PNPLA6: variants seen among roughly 807,000 people sequenced by gnomAD.
The protein encoded by PNPLA6 is patatin like domain 6, lysophospholipase.
Under a neutral mutation model 153.7 loss-of-function variants are expected in PNPLA6, and 105 were observed. That is an observed-to-expected ratio of 0.68 (90% CI 0.58 to 0.80). PNPLA6 has a LOEUF of 0.80. Among genes scored for constraint, PNPLA6 ranks in the 30% least tolerant of loss-of-function variants. The probability of loss-of-function intolerance (pLI) is 0.00; values close to 1 mark genes in which losing one functional copy is unlikely to be tolerated. For missense variants in PNPLA6, 1,423 were observed against 1,919.3 expected (o/e 0.74, Z 4.83); for synonymous variants, 825 against 822.2 (o/e 1.00, Z -0.06).
At chr19:7,553,804 G>A in intron 18 of PNPLA6, 71 bp from the exon 19 acceptor site, 1 of 1,575,600 alleles carries the variant, frequency 6.3e-7, no homozygotes, top group Non-Finnish European at 8.7e-7. Flanking sequence ...AGAGGAAGAA[G>A]AGGAGGAGGA....
At chr19:7,536,096 A>T (rs1056972569) in intron 1 of PNPLA6, 76 bp downstream of exon 1, 16 of 1,569,698 alleles carry the variant, frequency 1.0e-5, no homozygotes, top group Admixed American at 5.0e-5. Context: ...GGCGGCAGAG[A>T]TGGGGATTTG....
Position 7,555,142 on chromosome 19 carries a change from C to T in PNPLA6, c.2817+67C>T. The T allele has an allele frequency of 1.3e-6, 2 of 1,552,514 alleles. No individual in the cohort carries two copies. Among genetic ancestry groups the T allele is most frequent in the South Asian group, 1.2e-5 (1 of 86,690 alleles). ...GTGGGCGAGGCTTGGGAGACTGGGG[C>T]GGGGCCTGGGAGGGCTGAGGACAGG... On this transcript the variant is annotated intron_variant, in intron 22 of 31. Transcript: ENST00000600737. This position sits in a 1 kb window ranked among gnomAD's most constrained non-coding sequence, Gnocchi z 6.3.
chr19:7,555,342 C>T lies in PNPLA6; in HGVS notation c.2911C>T (p.Leu971Phe), dbSNP rs1355169288. Residue 971 changes from leucine (L) to phenylalanine (F), a missense_variant, in exon 23 of 32, where the codon CTT (leucine) becomes TTT (phenylalanine). By Grantham distance (22) the Leu-to-Phe change is conservative (BLOSUM62 0). This residue lies in a region of PNPLA6 where 643 missense variants were observed against 835.2 expected (regional missense o/e 0.77). Transcript: ENST00000600737. This position sits in a 1 kb window ranked among gnomAD's most constrained non-coding sequence, Gnocchi z 6.3. ...ARVLTGNTIA[L>F]VLGGGGARGC... ...GGTGCTCACGGGGAACACCATTGCCCTTGTGCTAGGCGGGGGCGGGGCCAG... is the reference window on the plus strand; with the variant it reads ...GGTGCTCACGGGGAACACCATTGCCTTTGTGCTAGGCGGGGGCGGGGCCAG... 2.6e-6 allele frequency: 4 copies of T among 1,551,886 alleles called. No homozygotes were observed. The highest frequency in any genetic ancestry group is 1.9e-5 in the Admixed American group (1 of 52,382).
Position 7,542,672 on chromosome 19 carries a change from T to C in PNPLA6, c.1362+2T>C. The C allele has an allele frequency of 6.2e-7, 1 of 1,612,480 alleles. No homozygotes were observed. Among genetic ancestry groups the C allele is most frequent in the Middle Eastern group, 1.7e-4 (1 of 6,060 alleles). On this transcript the variant is annotated splice_donor_variant, in intron 11 of 31. Transcript: ENST00000600737. LOFTEE classifies it high-confidence loss of function. Reference sequence around the variant, plus strand: ...GGGTCCCTGGCAGCCCCCGCTCGGGTAAGGCTTGGGACCCTGCCCGGTGGT... The same window carrying C: ...GGGTCCCTGGCAGCCCCCGCTCGGGCAAGGCTTGGGACCCTGCCCGGTGGT...
chr19:7,557,171 C>G lies in PNPLA6; in HGVS notation c.3284C>G (p.Ser1095Cys). ...ASAMRVHKDG[S>C]LWRYVRASMT... Reference sequence around the variant, plus strand: ...GTCTGTGTGTCCCACCGCGCAGGCTCCCTGTGGCGGTACGTGCGCGCCAGC... The same window carrying G: ...GTCTGTGTGTCCCACCGCGCAGGCTGCCTGTGGCGGTACGTGCGCGCCAGC... The change falls in exon 27 of 32, where the codon TCC (serine) becomes TGC (cysteine). Residue 1095 changes from serine (S) to cysteine (C), a missense_variant. Ser to Cys is a moderately radical substitution (Grantham distance 112, BLOSUM62 -1). Coordinates refer to ENST00000600737, the MANE Select transcript of PNPLA6 (RefSeq NM_001166114.2). The G allele has an allele frequency of 6.2e-7, 1 of 1,608,242 alleles. No homozygotes were observed. The highest frequency in any genetic ancestry group is 2.2e-5 in the East Asian group (1 of 44,748).
chr19:7,554,054 G>A, intron 19 of PNPLA6, 39 bp downstream of exon 19: 1 of 1,604,754 alleles, frequency 6.2e-7, no homozygotes, highest in Non-Finnish European at 8.5e-7. Context: ...GCTGGCGGTG[G>A]GTGGGACATT....
chr19:7,558,767 T>C, intron 27 of PNPLA6, 83 bp from the exon 28 acceptor site: 2 of 932,910 alleles, frequency 2.1e-6, no homozygotes, highest in Non-Finnish European at 3.3e-6. Flanking sequence ...ATCATTTGCA[T>C]GATGGCATCT....
Position 7,561,511 on chromosome 19 carries a change from G to A in PNPLA6, c.4047G>A (p.Arg1349=). ...SEMEEEKSIL[R]QRRCLPQEPP... is the part of the protein sequence containing the mutation. ...AGGAGGAGGAGAAGTCGATTCTCCG[G>A]CAACGACGCTGTCTGCCCCAGGAGC... Residue 1349 remains arginine (R), a synonymous_variant, in exon 32 of 32, where the codon CGG becomes CGA. Transcript: ENST00000600737. The A allele has an allele frequency of 6.2e-7, 1 of 1,608,872 alleles. No homozygotes were observed. Among genetic ancestry groups the A allele is most frequent in the Non-Finnish European group, 8.5e-7 (1 of 1,178,342 alleles).
intron 13 of PNPLA6, among the ~76,000 whole-genome samples, chr19:7,547,152 A>G (rs601025): frequency 0.83 from 126,448 of 151,940 alleles, 53,035 homozygotes; most frequent in African/African-American, 0.92. Context: ...TGATCCATCC[A>G]CCTCAGCTTC....
chr19:7,555,229 G>A lies in PNPLA6; in HGVS notation c.2818-20G>A, dbSNP rs770248268. Reference sequence around the variant, plus strand: ...CCCCGCCCTCATGCTCCTGGGTCGCGACTATCTCCCCCATCCCAGCATGAG... The same window carrying A: ...CCCCGCCCTCATGCTCCTGGGTCGCAACTATCTCCCCCATCCCAGCATGAG... On this transcript the variant is annotated intron_variant, in intron 22 of 31. Transcript: ENST00000600737. This position sits in a 1 kb window ranked among gnomAD's most constrained non-coding sequence, Gnocchi z 6.3. 9.5e-6 allele frequency: 15 copies of A among 1,580,416 alleles called. No homozygotes were observed. The Admixed American group carries it at 1.1e-4, about 11-fold the overall frequency.
In PNPLA6 at chr19:7,541,550, G is replaced by T; in HGVS notation, c.1034G>T (p.Ser345Ile). 2 of 1,603,870 alleles carry T rather than the reference G, an allele frequency of 1.2e-6. No homozygotes were observed. The change falls in exon 9 of 32, where the codon AGC (serine) becomes ATC (isoleucine). Residue 345 changes from serine (S) to isoleucine (I), a missense_variant. Transcript: ENST00000600737. The surrounding 1 kb of genome is among the most constrained non-coding windows in gnomAD (Gnocchi z 5.2). ...ATCCAGCCCCTGCGTCTGTTCCCCAGCCCCGGCCTCCCAACTCGCACCAGC... is the reference window on the plus strand; with the variant it reads ...ATCCAGCCCCTGCGTCTGTTCCCCATCCCCGGCCTCCCAACTCGCACCAGC... ...HEIQPLRLFPSPGLPTRTSPV... is the reference protein window; with the variant it reads ...HEIQPLRLFPIPGLPTRTSPV...
At position 7,541,363 on chromosome 19, in the gene PNPLA6, G is replaced by A; in HGVS notation, c.934G>A (p.Val312Met). ...SLVRVVQIIMVRLQRVTFLAL... is the reference protein window; with the variant it reads ...SLVRVVQIIMMRLQRVTFLAL... ...CCCTCGAGCCCTGCAGATCATCATGGTGCGGCTGCAGCGAGTCACCTTCCT... is the reference window on the plus strand; with the variant it reads ...CCCTCGAGCCCTGCAGATCATCATGATGCGGCTGCAGCGAGTCACCTTCCT... The change falls in exon 8 of 32, where the codon GTG becomes ATG. Residue 312 changes from valine to methionine, a missense_variant. Val to Met is a conservative substitution (Grantham distance 21). This residue lies in a region of PNPLA6 where 118 missense variants were observed against 158.8 expected (regional missense o/e 0.74). Transcript: ENST00000600737. The surrounding 1 kb of genome is among the most constrained non-coding windows in gnomAD (Gnocchi z 5.2). 6.2e-7 allele frequency: 1 copy of A among 1,613,824 alleles called. No individual in the cohort carries two copies. Among genetic ancestry groups the A allele is most frequent in the South Asian group, 1.1e-5 (1 of 91,072 alleles).
Position 7,559,040 on chromosome 19 carries a change from G to A in PNPLA6, c.3588G>A (p.Val1196=), listed in dbSNP as rs780648172. The A allele has an allele frequency of 1.2e-6, 2 of 1,614,214 alleles. No homozygotes were observed. The highest frequency in any genetic ancestry group is 1.7e-6 in the Non-Finnish European group (2 of 1,180,038). The change falls in exon 28 of 32, where the codon GTG becomes GTA. Residue 1196 remains valine, a synonymous_variant. Transcript: ENST00000600737. ...AAATCCAGTCCCGCCTGGCCTACGT[G>A]TCCTGTGTGCGGCAGCTAGAGGTTG... ...MAEIQSRLAY[V]SCVRQLEVVK...
intron 3 of PNPLA6, among the ~76,000 whole-genome samples, chr19:7,539,240 G>A (rs1222022509): frequency 1.3e-5 from 2 of 152,222 alleles, no homozygotes; most frequent in African/African-American, 2.4e-5. Flanking sequence ...CACTTTGGGA[G>A]GCTGAGGCGG....
chr19:7,553,374 CCCA>C (rs1342156473), intron 18 of PNPLA6, among the ~76,000 whole-genome samples: 11 of 152,210 alleles, frequency 7.2e-5, no homozygotes, highest in African/African-American at 2.7e-4. Context: ...GCCTCAGCCT[CCCA>C]AGTAGCTGGG....
intron 3 of PNPLA6, among the ~76,000 whole-genome samples, chr19:7,538,475 G>A (rs781352455): frequency 4.8e-4 from 73 of 151,926 alleles, no homozygotes; most frequent in Non-Finnish European, 7.1e-4. Context: ...GAGCCACCAC[G>A]CCCAGCCAAA....
chr19:7,535,556 GGCTCC>G, upstream of PNPLA6: 1 of 1,604,484 alleles, frequency 6.2e-7, no homozygotes, highest in Non-Finnish European at 8.5e-7. This position sits in a 1 kb window ranked among gnomAD's most constrained non-coding sequence, Gnocchi z 5.0. Flanking sequence ...AACCGATGGA[GGCTCC>G]GCTGCAAACT....
At chr19:7,545,883 CT>C (rs1239550950) in intron 13 of PNPLA6, among the ~76,000 whole-genome samples, 1 of 134,762 alleles carries the variant, frequency 7.4e-6, no homozygotes, top group African/African-American at 2.8e-5. Context: ...GCACTCCAGC[CT>C]GTGCAACAGA....
chr19:7,538,355 A>AT (rs971882710), intron 3 of PNPLA6, among the ~76,000 whole-genome samples: 2 of 151,742 alleles, frequency 1.3e-5, no homozygotes, highest in Admixed American at 6.6e-5. Flanking sequence ...TAATTTTTAA[A>AT]TTTTTTTGTA....
Sources: allele counts gnomAD v4.1 joint callset (sites outside exome capture counted in the v4.1 genomes callset), GRCh38; gene constraint gnomAD v4.1.1; regional missense constraint gnomAD v4.1.1; non-coding constraint Gnocchi (gnomAD v3.1); transcripts MANE v1.5; gene names NCBI Gene and HGNC (gene_info 2026-07-23, HGNC 2026-07-21).